Variants in PGM3 observed in about 807,000 individuals in gnomAD.
PGM3 encodes phosphoacetylglucosamine mutase.
In PGM3, 40 loss-of-function variants were observed where a neutral mutation model predicts 66.2. That is an observed-to-expected ratio of 0.60 (90% CI 0.47 to 0.79). The LOEUF is 0.79. Among genes scored for constraint, PGM3 ranks in the 30% least tolerant of loss-of-function variants. PGM3 has a pLI of 0.00. For synonymous variants in PGM3, 191 were observed against 224.2 expected (o/e 0.85, Z 1.32); for missense variants, 537 against 643.4 (o/e 0.83, Z 1.79).
At chr6:83,186,636 T>G (rs2128503782) in intron 4 of PGM3, among the ~76,000 whole-genome samples, 1 of 152,332 alleles carries the variant, frequency 6.6e-6, no homozygotes, top group South Asian at 2.1e-4. Context: ...AACAGCTGAT[T>G]TCACAGGGAA....
At chr6:83,173,538 T>C (rs1787476973) in intron 10 of PGM3, among the ~76,000 whole-genome samples, 2 of 151,910 alleles carry the variant, frequency 1.3e-5, no homozygotes, top group South Asian at 2.1e-4. Flanking sequence ...TCTTCACTTA[T>C]AAAATGGAAA....
chr6:83,164,465 A>T (rs1784958890), downstream of PGM3, among the ~76,000 whole-genome samples: 1 of 152,024 alleles, frequency 6.6e-6, no homozygotes, highest in South Asian at 2.1e-4. Context: ...AGTAATGAGA[A>T]TTTTTATAAG....
chr6:83,185,788 T>C (rs1788538559), intron 4 of PGM3, among the ~76,000 whole-genome samples: 1 of 151,594 alleles, frequency 6.6e-6, no homozygotes, highest in Non-Finnish European at 1.5e-5. Flanking sequence ...AGTAAATAAA[T>C]AAATAAATAA....
chr6:83,154,669 C>T, the PGM3 span, among the ~76,000 whole-genome samples: 1 of 152,066 alleles, frequency 6.6e-6, no homozygotes, highest in Non-Finnish European at 1.5e-5. Flanking sequence ...CTTTAAATCT[C>T]TGGGGCTCTG....
In PGM3 at chr6:83,187,063, C is replaced by G. The variant is rs745659258; in HGVS notation, c.402G>C (p.Glu134Asp). ...CATCTATTACAGATTGTGAAAGTTT[C>G]TCACTGCTGGGCCTAGGAAAGAAAA... ...VIGRDTRPSS[E>D]KLSQSVIDGV... The change falls in exon 4 of 13, where the codon GAG (glutamate) becomes GAC (aspartate). Residue 134 changes from glutamate to aspartate, a missense_variant. By Grantham distance (45) the Glu-to-Asp change is conservative. Transcript: ENST00000513973. The G allele has an allele frequency of 2.5e-6, 4 of 1,600,388 alleles. No individual in the cohort carries two copies. Among genetic ancestry groups the G allele is most frequent in the Non-Finnish European group, 3.4e-6 (4 of 1,167,956 alleles).
downstream of PGM3, chr6:83,164,621 T>G: frequency 6.5e-7 from 1 of 1,548,012 alleles, no homozygotes; most frequent in Non-Finnish European, 8.8e-7. Flanking sequence ...TACTTTTCAC[T>G]GGAACAAAGG....
downstream of PGM3, chr6:83,157,402 A>C: frequency 7.1e-7 from 1 of 1,414,172 alleles, no homozygotes; most frequent in Non-Finnish European, 9.9e-7. Flanking sequence ...GATATTAACG[A>C]ATATTGGGAG....
chr6:83,168,023 C>T lies in PGM3; in HGVS notation c.*1211G>A, dbSNP rs1175953209. ...AAGTCACAAGCCGATGTGGAGGACA[C>T]TCAGGGAGTCCTATCCTCTACTCAA... is the stretch of plus-strand genomic sequence containing the variant. On this transcript the variant is annotated 3_prime_UTR_variant, in exon 13 of 13. Coordinates refer to ENST00000513973, the MANE Select transcript of PGM3 (RefSeq NM_015599.3). 7 of 1,614,050 alleles carry T rather than the reference C, an allele frequency of 4.3e-6. No homozygotes were observed. The South Asian group carries it at 6.6e-5, about 15-fold the overall frequency.
chr6:83,157,036 T>C, downstream of PGM3: 1 of 701,260 alleles, frequency 1.4e-6, no homozygotes, highest in African/African-American at 1.8e-5. Context: ...TTATTCGTTG[T>C]TTTATGAAAA....
intron 10 of PGM3, among the ~76,000 whole-genome samples, chr6:83,172,853 CTTA>C (rs767256923): frequency 5.3e-5 from 8 of 152,060 alleles, no homozygotes; most frequent in Non-Finnish European, 1.2e-4. Flanking sequence ...TGATTGATTG[CTTA>C]TTGATTGATA....
chr6:83,184,826 A>G (rs1006159841), intron 4 of PGM3, among the ~76,000 whole-genome samples: 1 of 152,156 alleles, frequency 6.6e-6, no homozygotes, highest in Non-Finnish European at 1.5e-5. Context: ...AAATCCTTCA[A>G]TGGAGTCCCA....
chr6:83,151,741 G>T, the PGM3 span: 3 of 1,470,632 alleles, frequency 2.0e-6, no homozygotes, highest in South Asian at 2.5e-5. Context: ...AAAATAAACT[G>T]AAGTTTCTTT....
the PGM3 span, among the ~76,000 whole-genome samples, chr6:83,150,925 A>G: frequency 6.6e-6 from 1 of 152,196 alleles, no homozygotes; most frequent in Non-Finnish European, 1.5e-5. Context: ...CCAAATTAAG[A>G]AATAAAACAC....
rs776947430 is a variant in PGM3, at chr6:83,168,157, T to C, written c.*1077A>G. ...GAAAAAGATTTTCTGGAAGGGATGA[T>C]AAAAACTTGAGCACCATTGCTGGTT... On this transcript the variant is annotated 3_prime_UTR_variant, in exon 13 of 13. Transcript: ENST00000513973. The C allele has an allele frequency of 1.9e-6, 3 of 1,611,670 alleles. No individual in the cohort carries two copies. Among genetic ancestry groups the C allele is most frequent in the African/African-American group, 2.7e-5 (2 of 74,660 alleles).
At chr6:83,162,905 C>T, downstream of PGM3, 1 of 1,612,172 alleles carries the variant, frequency 6.2e-7, no homozygotes, top group Non-Finnish European at 8.5e-7. Flanking sequence ...AAAACTTCTT[C>T]GGAAAAGAGC....
chr6:83,169,112 G>T lies in PGM3; in HGVS notation c.*122C>A. 2 of 1,488,348 alleles carry T rather than the reference G, an allele frequency of 1.3e-6. No individual in the cohort carries two copies. Among genetic ancestry groups the T allele is most frequent in the Non-Finnish European group, 1.8e-6 (2 of 1,120,494 alleles). 92.2% of individuals were successfully genotyped at this position (1,488,348 alleles called of 1,614,324 possible). On this transcript the variant is annotated 3_prime_UTR_variant, in exon 13 of 13. Coordinates refer to ENST00000513973, the MANE Select transcript of PGM3 (RefSeq NM_015599.3). ...AGTGTTTAAGAAAAACAGATCTAGA[G>T]ACAATCCAGTAGGCTGCATTGTAAA...
In PGM3 at chr6:83,190,986, G is replaced by C; in HGVS notation, c.27C>G (p.Tyr9Ter). 2 of 1,613,862 alleles carry C rather than the reference G, an allele frequency of 1.2e-6. No individual in the cohort carries two copies. The highest frequency in any genetic ancestry group is 1.7e-6 in the Non-Finnish European group (2 of 1,179,756). Residue 9 changes from tyrosine (Y) to a stop codon, truncating the protein, a stop_gained, in exon 2 of 13, where the codon TAC becomes TAG. Transcript: ENST00000513973. LOFTEE classifies it high-confidence loss of function. ...CATTGGGCTTGGCGTGTAATGCTGAGTATTTTGTAATAGCACCTAAATCCA... is the reference window on the plus strand; with the variant it reads ...CATTGGGCTTGGCGTGTAATGCTGACTATTTTGTAATAGCACCTAAATCCA... Reference protein sequence around the residue: MDLGAITKYSALHAKPNGL... With the variant: MDLGAITK
intron 4 of PGM3, among the ~76,000 whole-genome samples, chr6:83,185,941 G>A (rs945267409): frequency 6.6e-6 from 1 of 152,106 alleles, no homozygotes; most frequent in African/African-American, 2.4e-5. Context: ...TAGTGGCCAA[G>A]CAAGTAGAAG....
intron 5 of PGM3, 128 bp from the exon 6 acceptor site, chr6:83,182,059 A>G (rs879640545): frequency 6.2e-5 from 33 of 535,608 alleles, no homozygotes; most frequent in Admixed American, 1.1e-4. Context: ...AAATTTTATC[A>G]ATTATAATTG....
Sources: allele counts gnomAD v4.1 joint callset (sites outside exome capture counted in the v4.1 genomes callset), GRCh38; gene constraint gnomAD v4.1.1; transcripts MANE v1.5; gene names NCBI Gene and HGNC (gene_info 2026-07-23, HGNC 2026-07-21).